The following SORL1 variants were observed in gnomAD, a reference collection of about 807,000 sequenced individuals.
SORL1 encodes sortilin related receptor 1, also known as sortilin-related receptor.
SORL1 carries 127 observed loss-of-function variants against 273.7 expected under a neutral mutation model. That is an observed-to-expected ratio of 0.46 (90% CI 0.40 to 0.54). SORL1 has a LOEUF of 0.54. SORL1 is among the 20% of genes least tolerant of loss of function. The pLI is 0.00. For synonymous variants in SORL1, 1,031 were observed against 1,067.4 expected, an observed-to-expected ratio of 0.97 and a Z score of 0.66; for missense variants, 2,494 against 2,846.1, an observed-to-expected ratio of 0.88 and a Z score of 2.81.
At chr11:121,561,941 G>T (rs911139537) in intron 21 of SORL1, among the ~76,000 whole-genome samples, 6 of 152,218 alleles carry the variant, frequency 3.9e-5, no homozygotes, top group Middle Eastern at 3.4e-3. Context: ...CCCAGTTTGG[G>T]TCAAATCAAA....
chr11:121,545,335 C>T lies in SORL1; in HGVS notation c.1957C>T (p.Arg653Trp), dbSNP rs1388322846. 11 of 1,614,032 alleles carry T rather than the reference C, an allele frequency of 6.8e-6. No individual in the cohort carries two copies. The highest frequency in any genetic ancestry group is 4.0e-5 in the African/African-American group (3 of 74,942). Residue 653 changes from arginine (R) to tryptophan (W), a missense_variant, in exon 14 of 48, where the codon CGG becomes TGG. This residue lies in a region of SORL1 where 710 missense variants were observed against 882.5 expected (regional missense o/e 0.80). Coordinates refer to ENST00000260197, the MANE Select transcript of SORL1 (RefSeq NM_003105.6). ...GCTGGGACACAAGACTGTTTTCAAA[C>T]GGCGGACCCCCCATGCCACATGCTT... ...CLLGHKTVFK[R>W]RTPHATCFNG... is the part of the protein sequence containing the mutation.
In SORL1 at chr11:121,552,586, G is replaced by A. The variant is rs377283512; in HGVS notation, c.2267-1351G>A. Reference sequence around the variant, plus strand: ...TGGCCCCCTCCCTGGGAATGACAGCGGGAAGGTTTCCTTGACAACCAAAAG... The same window carrying A: ...TGGCCCCCTCCCTGGGAATGACAGCAGGAAGGTTTCCTTGACAACCAAAAG... On this transcript the variant is annotated intron_variant, in intron 16 of 47. Coordinates refer to ENST00000260197, the MANE Select transcript of SORL1 (RefSeq NM_003105.6). Among the ~76,000 whole-genome samples, 100 of 152,258 alleles carry A rather than the reference G, an allele frequency of 6.6e-4. 1 individual carries two copies. The highest frequency in any genetic ancestry group is 6.8e-3 in the Middle Eastern group (2 of 294).
chr11:121,598,384 T>G (rs1863332384), intron 32 of SORL1, among the ~76,000 whole-genome samples: 1 of 152,168 alleles, frequency 6.6e-6, no homozygotes, highest in Admixed American at 6.5e-5. Context: ...AGGATGACAG[T>G]GAAAGCTGAT....
At chr11:121,565,806 T>C (rs1355003751) in intron 21 of SORL1, among the ~76,000 whole-genome samples, 2 of 152,244 alleles carry the variant, frequency 1.3e-5, no homozygotes, top group Admixed American at 6.5e-5. Flanking sequence ...TTTGCCATCC[T>C]CGTTCATCCA....
At chr11:121,574,405 G>T in intron 24 of SORL1, 42 bp downstream of exon 24, 2 of 1,594,870 alleles carry the variant, frequency 1.3e-6, no homozygotes. Flanking sequence ...CTGGAGAGGG[G>T]GGTCATTGTG....
chr11:121,516,719 C>G (rs1180097726), intron 8 of SORL1, among the ~76,000 whole-genome samples: 4 of 152,068 alleles, frequency 2.6e-5, no homozygotes, highest in Non-Finnish European at 5.9e-5. Flanking sequence ...AGTGGCGGAC[C>G]CTACCTCCTT....
intron 2 of SORL1, among the ~76,000 whole-genome samples, chr11:121,476,790 TCCTC>T (rs1431889988): frequency 8.2e-6 from 1 of 122,608 alleles, no homozygotes; most frequent in Non-Finnish European, 1.7e-5. Context: ...CTCCCTTCCT[TCCTC>T]CCTTCCTCCC....
At chr11:121,605,323 C>T (rs1863452725) in intron 34 of SORL1, 79 bp from the exon 35 acceptor site, 1 of 1,574,310 alleles carries the variant, frequency 6.4e-7, no homozygotes, top group Non-Finnish European at 8.7e-7. Context: ...TGGCATGCAC[C>T]ATGCTATTAA....
rs576950355 is a variant in SORL1, at chr11:121,563,366, G to T, written c.3050-3574G>T. ...AACATTTATCAATTTGAAATATTTG[G>T]TCCTTTATAGCTAGCTGGTTTTTAT... On this transcript the variant is annotated intron_variant, in intron 21 of 47. Transcript: ENST00000260197. This position sits in a 1 kb window ranked among gnomAD's most constrained non-coding sequence, Gnocchi z 4.2. 1.9e-4 allele frequency among the ~76,000 whole-genome samples: 29 copies of T among 152,206 alleles called. No individual in the cohort carries two copies. The East Asian group carries it at 5.0e-3, about 26-fold the overall frequency.
rs930044824 is a variant in SORL1 at position 121,627,772 on chromosome 11, G to A, written c.6577+5G>A. On this transcript the variant is annotated splice_donor_5th_base_variant and intron_variant, in intron 47 of 47. Coordinates refer to ENST00000260197, the MANE Select transcript of SORL1 (RefSeq NM_003105.6). This position sits in a 1 kb window ranked among gnomAD's most constrained non-coding sequence, Gnocchi z 4.9. The stretch of plus-strand genomic sequence containing the variant: ...TCTCCTCTGGGGATGACCTGGGTAA[G>A]TGGGGCAGGGAGAGTCGGTTCTTCC... 6.2e-7 allele frequency: 1 copy of A among 1,609,586 alleles called. No individual in the cohort carries two copies. The highest frequency in any genetic ancestry group is 1.1e-5 in the South Asian group (1 of 90,890).
chr11:121,605,382 T>C lies in SORL1; in HGVS notation c.4779-20T>C, dbSNP rs1482441469. 1.2e-6 allele frequency: 2 copies of C among 1,603,826 alleles called. No homozygotes were observed. Among genetic ancestry groups the C allele is most frequent in the Admixed American group, 3.4e-5 (2 of 59,434 alleles). ...CATGCTGCTCCAGTGTGACAATATC[T>C]TTATTTTTTTTTGGGCCAGGGTGGT... On this transcript the variant is annotated intron_variant, in intron 34 of 47. Transcript: ENST00000260197.
chr11:121,452,507 G>A lies in SORL1; in HGVS notation c.176G>A (p.Arg59Gln). Residue 59 changes from arginine (R) to glutamine (Q), a missense_variant, in exon 1 of 48, where the codon CGG becomes CAG. Coordinates refer to ENST00000260197, the MANE Select transcript of SORL1 (RefSeq NM_003105.6). This position sits in a 1 kb window ranked among gnomAD's most constrained non-coding sequence, Gnocchi z 5.3. Reference sequence around the variant, plus strand: ...GTGCAGGGCGACCCGCGCGAGCTGCGGCTGTGGGCGCGCGGGGATGCCAGG... The same window carrying A: ...GTGCAGGGCGACCCGCGCGAGCTGCAGCTGTGGGCGCGCGGGGATGCCAGG... ...LVVQGDPREL[R>Q]LWARGDARGA... 1 of 1,478,860 alleles carries A rather than the reference G, an allele frequency of 6.8e-7. No individual in the cohort carries two copies. Among genetic ancestry groups the A allele is most frequent in the Non-Finnish European group, 8.9e-7 (1 of 1,118,674 alleles). The allele number at this position is 1,478,860 out of a possible 1,614,324, so 91.6% of individuals were successfully genotyped here. A position where few individuals can be genotyped will look rare whatever the true frequency, so the allele number is the denominator to read the frequency against.
chr11:121,488,163 G>A lies in SORL1; in HGVS notation c.660G>A (p.Leu220=). Residue 220 remains leucine, a synonymous_variant, in exon 4 of 48, where the codon TTG becomes TTA. Coordinates refer to ENST00000260197, the MANE Select transcript of SORL1 (RefSeq NM_003105.6). ...ACAGTAAGGCCTCCAACCTTCTCTTGGGCTTTGACAGGTCCCACCCCAACA... is the reference window on the plus strand; with the variant it reads ...ACAGTAAGGCCTCCAACCTTCTCTTAGGCTTTGACAGGTCCCACCCCAACA... ...LLHSKASNLL[L]GFDRSHPNKQ... is the part of the protein sequence containing the mutation. 6.2e-7 allele frequency: 1 copy of A among 1,614,066 alleles called. No homozygotes were observed. Among genetic ancestry groups the A allele is most frequent in the Non-Finnish European group, 8.5e-7 (1 of 1,180,012 alleles).
At chr11:121,456,868 G>A (rs1186111181) in intron 1 of SORL1, among the ~76,000 whole-genome samples, 1 of 152,198 alleles carries the variant, frequency 6.6e-6, no homozygotes, top group East Asian at 1.9e-4. Flanking sequence ...TCCTTTGGGG[G>A]TGGAATACCG....
chr11:121,611,068 G>T lies in SORL1; in HGVS notation c.5240-8G>T. 1 of 1,606,118 alleles carries T rather than the reference G, an allele frequency of 6.2e-7. No individual in the cohort carries two copies. Among genetic ancestry groups the T allele is most frequent in the Non-Finnish European group, 8.5e-7 (1 of 1,173,682 alleles). On this transcript the variant is annotated splice_region_variant and splice_polypyrimidine_tract_variant and intron_variant, in intron 38 of 47. Coordinates refer to ENST00000260197, the MANE Select transcript of SORL1 (RefSeq NM_003105.6). ...GGCTTCTGTTTTTGAATTCCTTTTT[G>T]TTTTCAGTGATCCCACCACCAGATA...
At chr11:121,520,906 G>A (rs1409333933) in intron 9 of SORL1, 57 bp downstream of exon 9, 14 of 1,265,982 alleles carry the variant, frequency 1.1e-5, no homozygotes, top group Admixed American at 8.3e-5. Flanking sequence ...GCCCTGCTCT[G>A]TGGTAGTTTC....
In SORL1 at chr11:121,553,966, A is replaced by G. The variant is rs542871609; in HGVS notation, c.2296A>G (p.Arg766Gly). 6.2e-7 allele frequency: 1 copy of G among 1,614,070 alleles called. No homozygotes were observed. Among genetic ancestry groups the G allele is most frequent in the African/African-American group, 1.3e-5 (1 of 75,046 alleles). Residue 766 changes from arginine to glycine, a missense_variant, in exon 17 of 48, where the codon AGG (arginine) becomes GGG (glycine). Arg to Gly is a moderately radical substitution (Grantham distance 125). Around this residue, in one of 3 missense-constraint regions of SORL1, gnomAD observed 710 missense variants for 882.5 expected, o/e 0.80. Coordinates refer to ENST00000260197, the MANE Select transcript of SORL1 (RefSeq NM_003105.6). ...GAACGAGTTCATTCTGTATGCTGTG[A>G]GGAAATCCATCTACCGCTATGACCT... ...EENEFILYAV[R>G]KSIYRYDLAS...
intron 21 of SORL1, among the ~76,000 whole-genome samples, chr11:121,560,099 A>G (rs1416972200): frequency 1.3e-5 from 2 of 152,054 alleles, no homozygotes; most frequent in African/African-American, 4.8e-5. Flanking sequence ...GACCGTACCT[A>G]CCTCTGCTGG....
intron 14 of SORL1, among the ~76,000 whole-genome samples, chr11:121,549,489 A>G (rs998143967): frequency 1.3e-5 from 2 of 152,144 alleles, no homozygotes; most frequent in African/African-American, 4.8e-5. Context: ...GGCCTCCCAA[A>G]GTGTTGGGAT....
Sources: gnomAD v4.1 joint callset for allele counts (sites outside exome capture counted in the v4.1 genomes callset) on GRCh38, gnomAD v4.1.1 for gene constraint, gnomAD v4.1.1 regional missense constraint, Gnocchi (gnomAD v3.1) non-coding constraint, MANE v1.5 for transcripts, NCBI Gene and HGNC (gene_info 2026-07-23, HGNC 2026-07-21) for gene names.